Variants in GFRA1 observed in about 807,000 individuals in gnomAD.
GFRA1 encodes the protein GDNF family receptor alpha 1, also known as GDNF family receptor alpha-1.
Under a neutral mutation model 51.6 loss-of-function variants are expected in GFRA1, and 16 were observed. That is an observed-to-expected ratio of 0.31 (90% CI 0.21 to 0.47). The LOEUF (loss-of-function observed/expected upper bound fraction) is 0.47, where lower values mean the gene tolerates loss of function less well. GFRA1 is among the 20% of genes least tolerant of loss of function. The pLI is 1.00. For synonymous variants in GFRA1, 270 were observed against 241.3 expected (o/e 1.12, Z -1.10); for missense variants, 530 against 594.3 (o/e 0.89, Z 1.13).
intron 4 of GFRA1, among the ~76,000 whole-genome samples, chr10:116,243,358 G>C (rs1967557552): frequency 6.6e-6 from 1 of 152,062 alleles, no homozygotes; most frequent in Admixed American, 6.6e-5. Context: ...ACCCAAGAAG[G>C]CATGTAGAAA....
intron 5 of GFRA1, among the ~76,000 whole-genome samples, chr10:116,194,065 T>TA (rs1565641280): frequency 8.4e-5 from 7 of 83,264 alleles, no homozygotes; most frequent in African/African-American, 2.1e-4. Context: ...TAAATAAAAT[T>TA]TAAAAAAAAA....
intron 5 of GFRA1, among the ~76,000 whole-genome samples, chr10:116,146,208 A>T (rs758442548): frequency 6.6e-6 from 1 of 152,238 alleles, no homozygotes; most frequent in Non-Finnish European, 1.5e-5. Context: ...TCACTATCTG[A>T]GCAGATCCCA....
At chr10:116,233,156 G>T (rs1259628124) in intron 4 of GFRA1, among the ~76,000 whole-genome samples, 1 of 151,898 alleles carries the variant, frequency 6.6e-6, no homozygotes, top group Non-Finnish European at 1.5e-5. Context: ...GCAAAACCCT[G>T]TCTCTACTTA....
chr10:116,121,949 T>C (rs1160841630), intron 6 of GFRA1, among the ~76,000 whole-genome samples: 1 of 152,062 alleles, frequency 6.6e-6, no homozygotes, highest in African/African-American at 2.4e-5. Flanking sequence ...TAAAATCTGA[T>C]GGAAGCAAAC....
chr10:116,108,975 G>A (rs572151290), intron 6 of GFRA1, among the ~76,000 whole-genome samples: 29 of 152,210 alleles, frequency 1.9e-4, no homozygotes, highest in Non-Finnish European at 1.6e-4. Flanking sequence ...CGGACACTTG[G>A]TGCTGAAGGT....
intron 6 of GFRA1, among the ~76,000 whole-genome samples, chr10:116,111,766 T>A (rs180678674): frequency 1.0e-3 from 154 of 152,252 alleles, no homozygotes; most frequent in African/African-American, 3.6e-3. Flanking sequence ...AAATGCAAAT[T>A]CTCAGGCCTC....
At chr10:116,108,911 G>A (rs868417429) in intron 6 of GFRA1, among the ~76,000 whole-genome samples, 20 of 152,306 alleles carry the variant, frequency 1.3e-4, no homozygotes, top group African/African-American at 4.6e-4. Context: ...ATGAATGAAC[G>A]AATCTGACTG....
At chr10:116,088,334 G>A (rs1301849921) in intron 9 of GFRA1, among the ~76,000 whole-genome samples, 2 of 152,162 alleles carry the variant, frequency 1.3e-5, no homozygotes, top group South Asian at 2.1e-4. Context: ...TGATAAGCAT[G>A]AGGCGACAGC....
intron 7 of GFRA1, 31 bp downstream of exon 7, chr10:116,096,624 C>A (rs774890555): frequency 1.3e-5 from 16 of 1,220,418 alleles, no homozygotes; most frequent in African/African-American, 3.0e-5. Flanking sequence ...AAACCACACT[C>A]TTCTCCCATC....
chr10:116,269,125 C>G (rs1969892531), intron 4 of GFRA1, among the ~76,000 whole-genome samples: 1 of 152,122 alleles, frequency 6.6e-6, no homozygotes, highest in African/African-American at 2.4e-5. Flanking sequence ...CTGAACAGAT[C>G]CCATTTCCAG....
intron 4 of GFRA1, among the ~76,000 whole-genome samples, chr10:116,263,800 T>G (rs1208043157): frequency 1.3e-5 from 2 of 152,146 alleles, no homozygotes; most frequent in Non-Finnish European, 2.9e-5. Context: ...ATAAGACAGT[T>G]ACATCCATGA....
chr10:116,121,600 T>C (rs1015302553), intron 6 of GFRA1, among the ~76,000 whole-genome samples: 39 of 152,194 alleles, frequency 2.6e-4, no homozygotes, highest in African/African-American at 8.0e-4. Flanking sequence ...AGTTGGAAAA[T>C]ATTAAATTCA....
chr10:116,171,637 A>G (rs1289601693), intron 5 of GFRA1, among the ~76,000 whole-genome samples: 1 of 152,210 alleles, frequency 6.6e-6, no homozygotes, highest in East Asian at 1.9e-4. Context: ...TAATTAAATC[A>G]CCAGATTTAT....
At chr10:116,132,867 C>T (rs142300775) in intron 5 of GFRA1, among the ~76,000 whole-genome samples, 3 of 152,088 alleles carry the variant, frequency 2.0e-5, no homozygotes, top group Non-Finnish European at 4.4e-5. Flanking sequence ...GCTCACACAC[C>T]GCACGGAGGA....
At chr10:116,208,617 T>TTAAC (rs1157956266) in intron 5 of GFRA1, among the ~76,000 whole-genome samples, 1 of 152,110 alleles carries the variant, frequency 6.6e-6, no homozygotes, top group Non-Finnish European at 1.5e-5. Context: ...GCAGGGAGAA[T>TTAAC]TAACTAAATG....
At chr10:116,258,631 C>CAA (rs1234032330) in intron 4 of GFRA1, among the ~76,000 whole-genome samples, 7 of 151,962 alleles carry the variant, frequency 4.6e-5, no homozygotes, top group African/African-American at 1.7e-4. Context: ...TACATACATG[C>CAA]AAATGGGTGC....
chr10:116,125,598 G>T, intron 5 of GFRA1, 41 bp from the exon 6 acceptor site: 1 of 1,484,870 alleles, frequency 6.7e-7, no homozygotes, highest in Non-Finnish European at 9.3e-7. Context: ...ACAGTGCTCG[G>T]CTCTGTGTTC....
intron 4 of GFRA1, among the ~76,000 whole-genome samples, chr10:116,224,687 G>A (rs965898837): frequency 2.6e-5 from 4 of 152,174 alleles, no homozygotes; most frequent in Non-Finnish European, 5.9e-5. Context: ...AGAGGTGAAG[G>A]GGATGAGGGG....
chr10:116,122,221 C>T lies in GFRA1; in HGVS notation c.770+3000G>A, dbSNP rs79727381. On this transcript the variant is annotated intron_variant, in intron 6 of 10. Transcript: ENST00000355422. ...GGATTCCTAAACAGCCTCTGAGCTT[C>T]TCCCAGAGCCAGAAACGTGGCAGCA... Among the ~76,000 whole-genome samples the T allele has an allele frequency of 8.8e-3, 1,339 of 152,288 alleles. 21 individuals carry two copies. The highest frequency in any genetic ancestry group is 0.03 in the African/African-American group (1,256 of 41,542).
Sources: gnomAD v4.1 joint callset for allele counts (sites outside exome capture counted in the v4.1 genomes callset) on GRCh38, gnomAD v4.1.1 for gene constraint, MANE v1.5 for transcripts, NCBI Gene and HGNC (gene_info 2026-07-23, HGNC 2026-07-21) for gene names.